The following IGSF21 variants were observed in gnomAD, a reference collection of about 807,000 sequenced individuals.
IGSF21 encodes the protein immunoglobulin superfamily member 21.
In IGSF21, 28 loss-of-function variants were observed where a neutral mutation model predicts 46.8. The observed-to-expected ratio is 0.60, with a 90% confidence interval of 0.44 to 0.82. The LOEUF (loss-of-function observed/expected upper bound fraction) is 0.82. Among genes scored for constraint, IGSF21 ranks in the 40% least tolerant of loss-of-function variants. IGSF21 has a pLI of 0.00. For synonymous variants in IGSF21, 284 were observed against 273.6 expected, an observed-to-expected ratio of 1.04 and a Z score of -0.38; for missense variants, 624 against 665.5, an observed-to-expected ratio of 0.94 and a Z score of 0.69.
chr1:18,186,831 C>T (rs1447927789), intron 1 of IGSF21, among the ~76,000 whole-genome samples: 2 of 152,160 alleles, frequency 1.3e-5, no homozygotes, highest in Non-Finnish European at 2.9e-5. Context: ...CCTCACCTAA[C>T]TTCCCTGGGG....
intron 4 of IGSF21, among the ~76,000 whole-genome samples, chr1:18,357,098 G>A (rs374209399): frequency 6.6e-6 from 1 of 151,016 alleles, no homozygotes; most frequent in Non-Finnish European, 1.5e-5. Flanking sequence ...ATGGGCATGG[G>A]GTAAAGATAA....
At chr1:18,287,512 A>C (rs1246264998) in intron 2 of IGSF21, among the ~76,000 whole-genome samples, 1 of 152,230 alleles carries the variant, frequency 6.6e-6, no homozygotes, top group Non-Finnish European at 1.5e-5. Context: ...AGTCTGTTGA[A>C]TATGGAGTGA....
chr1:18,344,581 C>CTT (rs2124615050), intron 4 of IGSF21, among the ~76,000 whole-genome samples: 1 of 152,190 alleles, frequency 6.6e-6, no homozygotes, highest in East Asian at 1.9e-4. Flanking sequence ...GCAGAATCCC[C>CTT]TTTCAAGAAG....
At chr1:18,196,282 T>G (rs961341477) in intron 1 of IGSF21, among the ~76,000 whole-genome samples, 1 of 151,926 alleles carries the variant, frequency 6.6e-6, no homozygotes, top group African/African-American at 2.4e-5. Context: ...GATTTGGGGT[T>G]ACAGGGAAGG....
chr1:18,208,548 A>T (rs2084357083), intron 1 of IGSF21, among the ~76,000 whole-genome samples: 1 of 85,852 alleles, frequency 1.2e-5, no homozygotes, highest in Non-Finnish European at 2.2e-5. Flanking sequence ...AGCCCAGCTA[A>T]TTTTTTTTTT....
chr1:18,364,443 C>T (rs769501982), intron 5 of IGSF21, among the ~76,000 whole-genome samples: 23 of 143,868 alleles, frequency 1.6e-4, no homozygotes, highest in Non-Finnish European at 3.3e-4. Context: ...CACTTTCCTT[C>T]CGCTCCCCCA....
At chr1:18,256,906 G>A (rs190215163) in intron 2 of IGSF21, among the ~76,000 whole-genome samples, 3 of 152,254 alleles carry the variant, frequency 2.0e-5, no homozygotes, top group East Asian at 1.9e-4. Flanking sequence ...GCCGGCAAGC[G>A]GACACTCTCT....
chr1:18,246,479 C>T (rs1160922814), intron 2 of IGSF21, among the ~76,000 whole-genome samples: 1 of 152,114 alleles, frequency 6.6e-6, no homozygotes, highest in African/African-American at 2.4e-5. Flanking sequence ...GCTTAGGACT[C>T]CAACCTCCAG....
intron 1 of IGSF21, among the ~76,000 whole-genome samples, chr1:18,128,997 G>A (rs1166064631): frequency 2.0e-5 from 3 of 152,174 alleles, no homozygotes; most frequent in Admixed American, 2.0e-4. Context: ...GGCATTGGGA[G>A]GCAGAAAGGT....
intron 4 of IGSF21, among the ~76,000 whole-genome samples, chr1:18,360,302 T>C (rs1557660163): frequency 6.6e-6 from 1 of 152,230 alleles, no homozygotes; most frequent in Admixed American, 6.5e-5. Context: ...TCTCCAACTA[T>C]TGTTCTCCCA....
intron 1 of IGSF21, among the ~76,000 whole-genome samples, chr1:18,177,856 A>G (rs1440738972): frequency 6.6e-6 from 1 of 152,042 alleles, no homozygotes; most frequent in African/African-American, 2.4e-5. Context: ...CAGTGAGTGG[A>G]GAAGATGATG....
intron 6 of IGSF21, among the ~76,000 whole-genome samples, chr1:18,370,652 T>C (rs1271222358): frequency 6.6e-6 from 1 of 152,104 alleles, no homozygotes; most frequent in Non-Finnish European, 1.5e-5. Flanking sequence ...AAAGATATCC[T>C]TGAGAAAAAA....
intron 1 of IGSF21, among the ~76,000 whole-genome samples, chr1:18,211,319 T>C (rs2084389320): frequency 6.6e-6 from 1 of 152,238 alleles, no homozygotes. Context: ...ATTCCCTTGT[T>C]CTTCAGTGGG....
At chr1:18,350,340 T>C (rs969713248) in intron 4 of IGSF21, among the ~76,000 whole-genome samples, 1 of 152,102 alleles carries the variant, frequency 6.6e-6, no homozygotes, top group African/African-American at 2.4e-5. Flanking sequence ...GAGGTCCCAA[T>C]ACCTGGGTCA....
In IGSF21 at chr1:18,332,726, T is replaced by C. The variant is rs58344906; in HGVS notation, c.306-2166T>C. On this transcript the variant is annotated intron_variant, in intron 3 of 9. Transcript: ENST00000251296. ...AACAAAGTCCCCCTGATGAAAAGCT[T>C]CCCATTCTTTAAGTCCTTCCATGAC... Among the ~76,000 whole-genome samples the C allele has an allele frequency of 1.5e-3, 227 of 152,294 alleles. 2 individuals are homozygous for C. The East Asian group carries it at 0.021, about 14-fold the overall frequency.
At chr1:18,128,487 T>C (rs1244997356) in intron 1 of IGSF21, among the ~76,000 whole-genome samples, 2 of 152,166 alleles carry the variant, frequency 1.3e-5, no homozygotes, top group Non-Finnish European at 2.9e-5. Context: ...TCTGACCCCA[T>C]TGCTGGGAAT....
rs1009420278 is a variant in IGSF21 at position 18,287,856 on chromosome 1, C to T, written c.184-4010C>T. On this transcript the variant is annotated intron_variant, in intron 2 of 9. Transcript: ENST00000251296. ...ACCTGCCTCCCTCTCTGGGTGTGGG[C>T]TCCCTTCTTTCATTTACTGAATTCC... Among the ~76,000 whole-genome samples the T allele has an allele frequency of 2.5e-4, 38 of 152,190 alleles. 1 individual carries two copies. The highest frequency in any genetic ancestry group is 1.5e-5 in the Non-Finnish European group (1 of 68,036).
intron 1 of IGSF21, among the ~76,000 whole-genome samples, chr1:18,133,359 A>T (rs1484305111): frequency 6.6e-6 from 1 of 152,222 alleles, no homozygotes. Flanking sequence ...GGCGGAAGAC[A>T]GTGGGTTTGC....
intron 3 of IGSF21, among the ~76,000 whole-genome samples, chr1:18,296,667 T>C (rs2085315021): frequency 6.6e-6 from 1 of 152,156 alleles, no homozygotes; most frequent in Non-Finnish European, 1.5e-5. Flanking sequence ...ATATTCAATA[T>C]ACCAAGGTGC....
Sources: gnomAD v4.1 joint callset for allele counts (sites outside exome capture counted in the v4.1 genomes callset) on GRCh38, gnomAD v4.1.1 for gene constraint, MANE v1.5 for transcripts, NCBI Gene and HGNC (gene_info 2026-07-23, HGNC 2026-07-21) for gene names.